RHOJ: variants seen among roughly 807,000 people sequenced by gnomAD.
The protein encoded by RHOJ is ras homolog family member J, also known as rho-related GTP-binding protein RhoJ.
Under a neutral mutation model 23.4 loss-of-function variants are expected in RHOJ, and 11 were observed. The observed-to-expected ratio is 0.47, with a 90% CI of 0.30 to 0.78. RHOJ has a LOEUF of 0.78. RHOJ is among the 30% of genes least tolerant of loss of function. The pLI is 0.08. For missense variants in RHOJ, 254 were observed against 273.4 expected (o/e 0.93, Z 0.50); for synonymous variants, 102 against 102.7 (o/e 0.99, Z 0.04).
At chr14:63,232,907 G>C (rs1267244235) in intron 1 of RHOJ, among the ~76,000 whole-genome samples, 5 of 151,854 alleles carry the variant, frequency 3.3e-5, no homozygotes, top group Non-Finnish European at 7.4e-5. Context: ...TGTTGTCCAG[G>C]CTGGTATCAA....
At chr14:63,210,522 G>A (rs1261430624) in intron 1 of RHOJ, among the ~76,000 whole-genome samples, 3 of 152,210 alleles carry the variant, frequency 2.0e-5, no homozygotes, top group Non-Finnish European at 2.9e-5. Flanking sequence ...TATTACAAGT[G>A]TGCCTAAGAA....
chr14:63,262,767 T>A (rs1166591848), intron 1 of RHOJ, among the ~76,000 whole-genome samples: 1 of 152,204 alleles, frequency 6.6e-6, no homozygotes, highest in East Asian at 1.9e-4. Context: ...CAGCATCTAT[T>A]ATGTATGCCA....
chr14:63,255,647 C>T (rs1895150442), intron 1 of RHOJ, among the ~76,000 whole-genome samples: 1 of 150,306 alleles, frequency 6.7e-6, no homozygotes, highest in Admixed American at 6.7e-5. Flanking sequence ...GAAAACAGCT[C>T]CAGCCCTGCT....
rs532160602 is a variant in RHOJ at position 63,211,028 on chromosome 14, G to A, written c.178+5981G>A. On this transcript the variant is annotated intron_variant, in intron 1 of 4. Transcript: ENST00000316754. ...AATTCATGGAAAGAAGAGAAATCCA[G>A]TTACTCTATCAGCTGATTGAGATGT... Among the ~76,000 whole-genome samples the A allele has an allele frequency of 3.5e-4, 53 of 152,300 alleles. 2 individuals are homozygous for A. The South Asian group carries it at 0.011, about 31-fold the overall frequency.
At chr14:63,269,767 T>C (rs1895432947) in intron 2 of RHOJ, among the ~76,000 whole-genome samples, 1 of 152,220 alleles carries the variant, frequency 6.6e-6, no homozygotes, top group Non-Finnish European at 1.5e-5. Context: ...GGACTGTTTC[T>C]TCAAGTTGGA....
chr14:63,275,851 C>T (rs141596486), intron 2 of RHOJ, among the ~76,000 whole-genome samples: 74 of 152,264 alleles, frequency 4.9e-4, no homozygotes, highest in South Asian at 4.8e-3. Flanking sequence ...CCAAAGCATG[C>T]TCCCTTGTGA....
intron 1 of RHOJ, among the ~76,000 whole-genome samples, chr14:63,268,206 G>A (rs1327273423): frequency 6.6e-6 from 1 of 152,036 alleles, no homozygotes; most frequent in African/African-American, 2.4e-5. Context: ...TTTCCAAAAA[G>A]CGATTCAATT....
intron 2 of RHOJ, among the ~76,000 whole-genome samples, chr14:63,270,518 G>GA (rs572827957): frequency 3.9e-5 from 6 of 152,162 alleles, no homozygotes; most frequent in South Asian, 4.2e-4. Context: ...GTGCTCCAAT[G>GA]AAAAAAATCA....
rs76952157 is a variant in RHOJ at position 63,239,830 on chromosome 14, A to C, written c.179-29280A>C. On this transcript the variant is annotated intron_variant, in intron 1 of 4. Transcript: ENST00000316754. ...AAGGGAAAGAGAAGCTTCTTTACCA[A>C]TCTATGTGTGGTATTTTCTGGAATT... Among the ~76,000 whole-genome samples the C allele has an allele frequency of 4.6e-3, 698 of 152,274 alleles. 30 individuals are homozygous for C. In the East Asian group the frequency reaches 0.11, roughly 23 times the overall value.
chr14:63,234,851 T>C (rs1322568508), intron 1 of RHOJ, among the ~76,000 whole-genome samples: 1 of 152,238 alleles, frequency 6.6e-6, no homozygotes, highest in Non-Finnish European at 1.5e-5. Flanking sequence ...ACAATTTATT[T>C]GGTAAGCCCC....
At chr14:63,269,034 GA>G in intron 1 of RHOJ, 75 bp from the exon 2 acceptor site, 1 of 1,029,736 alleles carries the variant, frequency 9.7e-7, no homozygotes, top group Admixed American at 1.8e-5. Flanking sequence ...TGCTGGCATG[GA>G]AACAATGTGA....
intron 1 of RHOJ, among the ~76,000 whole-genome samples, chr14:63,259,226 GAATT>G (rs1322659671): frequency 1.3e-5 from 2 of 152,152 alleles, no homozygotes; most frequent in East Asian, 3.8e-4. Flanking sequence ...AAATTCTAGT[GAATT>G]AATTGTACCT....
chr14:63,273,888 C>G (rs1351298950), intron 2 of RHOJ, among the ~76,000 whole-genome samples: 1 of 152,222 alleles, frequency 6.6e-6, no homozygotes, highest in Non-Finnish European at 1.5e-5. Context: ...GGGTGAACCA[C>G]TGCATGTGGG....
At chr14:63,210,954 A>T (rs1894223601) in intron 1 of RHOJ, among the ~76,000 whole-genome samples, 1 of 152,204 alleles carries the variant, frequency 6.6e-6, no homozygotes, top group South Asian at 2.1e-4. Context: ...GGAAAACCAC[A>T]TGAAGCCACT....
rs143813169 is a variant in RHOJ at position 63,263,229 on chromosome 14, T to C, written c.179-5881T>C. Among the ~76,000 whole-genome samples the C allele has an allele frequency of 1.9e-3, 283 of 152,320 alleles. 6 individuals carry two copies. Among genetic ancestry groups the C allele is most frequent in the African/African-American group, 6.3e-3 (263 of 41,574 alleles). Reference sequence around the variant, plus strand: ...ATGATAGGATTCGAATACAGAACTATCTGACTTGAAAGATCCTGCTCTTTG... The same window carrying C: ...ATGATAGGATTCGAATACAGAACTACCTGACTTGAAAGATCCTGCTCTTTG... On this transcript the variant is annotated intron_variant, in intron 1 of 4. Transcript: ENST00000316754.
At chr14:63,289,334 C>A (rs1177235373) in intron 4 of RHOJ, among the ~76,000 whole-genome samples, 1 of 152,196 alleles carries the variant, frequency 6.6e-6, no homozygotes, top group Admixed American at 6.5e-5. Context: ...TACAGCCCAC[C>A]ATAGTCCCCT....
intron 1 of RHOJ, among the ~76,000 whole-genome samples, chr14:63,240,375 C>T (rs7158734): frequency 8.1e-4 from 124 of 152,152 alleles, no homozygotes; most frequent in African/African-American, 2.5e-3. Flanking sequence ...AGTTGCTATG[C>T]GGAGCAATTT....
Position 63,245,167 on chromosome 14 carries a change from T to A in RHOJ, c.179-23943T>A, listed in dbSNP as rs191907153. On this transcript the variant is annotated intron_variant, in intron 1 of 4. Transcript: ENST00000316754. ...GTGTTTCCATCTTGTTCTAAAAAACTCTGTAAGCATCAGGGTACTGAAGCA... is the reference window on the plus strand; with the variant it reads ...GTGTTTCCATCTTGTTCTAAAAAACACTGTAAGCATCAGGGTACTGAAGCA... Among the ~76,000 whole-genome samples, 54 of 152,316 alleles carry A rather than the reference T, an allele frequency of 3.5e-4. 1 individual carries two copies. Among genetic ancestry groups the A allele is most frequent in the Non-Finnish European group, 2.9e-5 (2 of 68,024 alleles).
chr14:63,266,042 G>A lies in RHOJ; in HGVS notation c.179-3068G>A, dbSNP rs919527044. On this transcript the variant is annotated intron_variant, in intron 1 of 4. Coordinates refer to ENST00000316754, the MANE Select transcript of RHOJ (RefSeq NM_020663.5). ...GCGTCTCTTGTCAGACCCTGAAAGT[G>A]CCAGACTCTTAGTTAAATCTCTCCT... Among the ~76,000 whole-genome samples, 5 of 152,164 alleles carry A rather than the reference G, an allele frequency of 3.3e-5. No individual in the cohort carries two copies. In the East Asian group the frequency reaches 7.7e-4, roughly 23 times the overall value.
Sources: allele counts gnomAD v4.1 joint callset (sites outside exome capture counted in the v4.1 genomes callset), GRCh38; gene constraint gnomAD v4.1.1; transcripts MANE v1.5; gene names NCBI Gene and HGNC (gene_info 2026-07-23, HGNC 2026-07-21).